Variants in CCDC91 observed in about 807,000 individuals in gnomAD.
CCDC91 encodes the protein coiled-coil domain containing 91, also known as coiled-coil domain-containing protein 91.
A neutral mutation model predicts 63.2 loss-of-function variants in CCDC91; 48 were observed. The observed-to-expected ratio is 0.76, with a 90% confidence interval of 0.60 to 0.97. CCDC91 has a LOEUF of 0.97. Ranked by LOEUF, CCDC91 falls within the 50% of genes least tolerant of loss-of-function variation. The probability of loss-of-function intolerance (pLI) is 0.00; values close to 1 mark genes in which losing one functional copy is unlikely to be tolerated. For synonymous variants in CCDC91, 167 were observed against 165.8 expected, an observed-to-expected ratio of 1.01 and a Z score of -0.06; for missense variants, 500 against 494.6, an observed-to-expected ratio of 1.01 and a Z score of -0.10.
At chr12:28,467,088 CAAAG>C (rs1376429613) in intron 11 of CCDC91, among the ~76,000 whole-genome samples, 2 of 151,982 alleles carry the variant, frequency 1.3e-5, no homozygotes, top group Admixed American at 6.6e-5. Flanking sequence ...CAACCACACA[CAAAG>C]AAAGGCCAGA....
chr12:28,239,275 A>G (rs1001782162), intron 1 of CCDC91, among the ~76,000 whole-genome samples: 1 of 152,002 alleles, frequency 6.6e-6, no homozygotes, highest in Non-Finnish European at 1.5e-5. Flanking sequence ...TAATGGGCAA[A>G]TGGATGGAGC....
intron 3 of CCDC91, among the ~76,000 whole-genome samples, chr12:28,273,469 G>A (rs1182839569): frequency 6.6e-6 from 1 of 152,074 alleles, no homozygotes; most frequent in Non-Finnish European, 1.5e-5. Flanking sequence ...GTGTAAAAGT[G>A]TTCCTATTTC....
chr12:28,223,999 G>C (rs1475181831), intron 1 of CCDC91, among the ~76,000 whole-genome samples: 1 of 152,164 alleles, frequency 6.6e-6, no homozygotes, highest in Non-Finnish European at 1.5e-5. Context: ...CTAAAGCGGA[G>C]TCTTTTACTT....
chr12:28,234,681 A>T (rs1271376498), intron 1 of CCDC91, among the ~76,000 whole-genome samples: 3 of 152,174 alleles, frequency 2.0e-5, no homozygotes, highest in Admixed American at 1.3e-4. Context: ...ATTGGTTAAC[A>T]TCATGACACA....
chr12:28,326,224 C>G (rs1473564734), intron 6 of CCDC91, among the ~76,000 whole-genome samples: 1 of 152,088 alleles, frequency 6.6e-6, no homozygotes, highest in Non-Finnish European at 1.5e-5. Flanking sequence ...ATTTGTTCCA[C>G]TACAATTGTG....
chr12:28,468,703 A>T (rs940624911), intron 11 of CCDC91, among the ~76,000 whole-genome samples: 3 of 152,084 alleles, frequency 2.0e-5, no homozygotes, highest in Non-Finnish European at 4.4e-5. Flanking sequence ...AAATATTAGC[A>T]AACCAAATTC....
At chr12:28,360,697 C>A (rs1258916958) in intron 6 of CCDC91, among the ~76,000 whole-genome samples, 1 of 152,078 alleles carries the variant, frequency 6.6e-6, no homozygotes, top group African/African-American at 2.4e-5. Flanking sequence ...TCATAATTTT[C>A]TTTTCTTCTA....
chr12:28,382,463 T>TA (rs1036259148), intron 7 of CCDC91, among the ~76,000 whole-genome samples: 2 of 151,070 alleles, frequency 1.3e-5, no homozygotes, highest in African/African-American at 2.4e-5. Context: ...ACCATTAATG[T>TA]AAAAAAAAAT....
At position 28,549,271 on chromosome 12, in the gene CCDC91, A is replaced by C; in HGVS notation, c.*98A>C. On this transcript the variant is annotated 3_prime_UTR_variant, in exon 13 of 13. Coordinates refer to ENST00000536442, the MANE Select transcript of CCDC91 (RefSeq NM_018318.5). Reference sequence around the variant, plus strand: ...AAAGATGTGTTTGTTTTCTTTCCAAATCATGTAGAATTGATTTCCAGTTCA... The same window carrying C: ...AAAGATGTGTTTGTTTTCTTTCCAACTCATGTAGAATTGATTTCCAGTTCA... 1.5e-6 allele frequency: 1 copy of C among 677,884 alleles called. No homozygotes were observed. Among genetic ancestry groups the C allele is most frequent in the Non-Finnish European group, 2.6e-6 (1 of 383,162 alleles). The allele number at this position is 677,884 out of a possible 1,614,324, so 42.0% of individuals were successfully genotyped here. A position where few individuals can be genotyped will look rare whatever the true frequency, so the allele number is the denominator to read the frequency against.
chr12:28,197,517 T>G (rs1941872499), intron 1 of CCDC91, among the ~76,000 whole-genome samples: 2 of 152,120 alleles, frequency 1.3e-5, no homozygotes, highest in Non-Finnish European at 2.9e-5. Flanking sequence ...AGTAACATTT[T>G]TTTCCATTTC....
At chr12:28,501,781 G>T (rs900468288) in intron 12 of CCDC91, among the ~76,000 whole-genome samples, 8 of 151,834 alleles carry the variant, frequency 5.3e-5, no homozygotes, top group Admixed American at 3.9e-4. Flanking sequence ...AGAAGGAATG[G>T]TACCAGTTCC....
intron 7 of CCDC91, among the ~76,000 whole-genome samples, chr12:28,381,468 C>T (rs879460700): frequency 6.6e-6 from 1 of 151,864 alleles, no homozygotes; most frequent in Admixed American, 6.6e-5. Context: ...TAATTTTGCT[C>T]CCATTGGTAT....
chr12:28,541,262 A>G (rs1942610989), intron 12 of CCDC91, among the ~76,000 whole-genome samples: 1 of 152,118 alleles, frequency 6.6e-6, no homozygotes, highest in East Asian at 1.9e-4. Flanking sequence ...GTCAGACTTA[A>G]TCTAGCATTA....
chr12:28,521,414 A>T (rs1282901563), intron 12 of CCDC91, among the ~76,000 whole-genome samples: 1 of 152,166 alleles, frequency 6.6e-6, no homozygotes, highest in African/African-American at 2.4e-5. Context: ...ATTTTTGCAC[A>T]TTGATTCTGT....
rs3064712 is a variant in CCDC91, at chr12:28,250,953, AGTGTGTGTGTGTGT to A, written c.-14-6226_-14-6213del. ...TTTCTATTTTTAACTTTAAGGTTTG[AGTGTGTGTGTGTGT>A]GTGTGTGTGTGTGTGTGTGTGTATT... On this transcript the variant is annotated intron_variant, in intron 1 of 12. Transcript: ENST00000536442. Among the ~76,000 whole-genome samples, 20 of 145,546 alleles carry A rather than the reference AGTGTGTGTGTGTGT, an allele frequency of 1.4e-4. No homozygotes were observed. In the East Asian group the frequency reaches 2.2e-3, roughly 16 times the overall value.
At chr12:28,203,426 A>G (rs995251866) in intron 1 of CCDC91, among the ~76,000 whole-genome samples, 104 of 152,306 alleles carry the variant, frequency 6.8e-4, no homozygotes, top group African/African-American at 2.3e-3. Context: ...CCTTATCCCA[A>G]TTATACTTAT....
chr12:28,221,997 G>GT (rs1943983354), intron 1 of CCDC91, among the ~76,000 whole-genome samples: 1 of 152,126 alleles, frequency 6.6e-6, no homozygotes, highest in Non-Finnish European at 1.5e-5. Context: ...ACTCCAGTTT[G>GT]TAAGTTTGGG....
intron 12 of CCDC91, among the ~76,000 whole-genome samples, chr12:28,499,953 T>C (rs757285809): frequency 2.8e-4 from 42 of 152,174 alleles, no homozygotes; most frequent in Non-Finnish European, 4.4e-4. Flanking sequence ...TAATTTATAC[T>C]ACCACCAACA....
intron 6 of CCDC91, among the ~76,000 whole-genome samples, chr12:28,315,703 A>T (rs1939787297): frequency 6.6e-6 from 1 of 151,990 alleles, no homozygotes; most frequent in South Asian, 2.1e-4. Context: ...TGATTCAAAC[A>T]TCAAAAACTG....
Sources: gnomAD v4.1 joint callset for allele counts (sites outside exome capture counted in the v4.1 genomes callset) on GRCh38, gnomAD v4.1.1 for gene constraint, MANE v1.5 for transcripts, NCBI Gene and HGNC (gene_info 2026-07-23, HGNC 2026-07-21) for gene names.